Variants in ROR1 observed in about 807,000 individuals in gnomAD.
The protein encoded by ROR1 is inactive tyrosine-protein kinase transmembrane receptor ROR1.
In ROR1, 19 loss-of-function variants were observed where a neutral mutation model predicts 78.8. That is an observed-to-expected ratio of 0.24 (90% CI 0.17 to 0.35). The LOEUF (loss-of-function observed/expected upper bound fraction) is 0.35. Ranked by LOEUF, ROR1 falls within the 10% of genes least tolerant of loss-of-function variation. The pLI, the probability that ROR1 is intolerant of heterozygous loss-of-function variation, is 1.00. For synonymous variants in ROR1, 386 were observed against 433.6 expected, an observed-to-expected ratio of 0.89 and a Z score of 1.36; for missense variants, 917 against 1,177.8, an observed-to-expected ratio of 0.78 and a Z score of 3.24.
intron 4 of ROR1, among the ~76,000 whole-genome samples, chr1:64,068,712 G>A: frequency 6.6e-6 from 1 of 152,080 alleles, no homozygotes; most frequent in East Asian, 1.9e-4. Flanking sequence ...TGACCTAATG[G>A]CTAGAGTACC....
At chr1:63,902,912 G>C (rs1645497516) in intron 1 of ROR1, among the ~76,000 whole-genome samples, 1 of 152,126 alleles carries the variant, frequency 6.6e-6, no homozygotes, top group Non-Finnish European at 1.5e-5. Context: ...TAAGTTTGCT[G>C]ATCCTCCTTC....
At chr1:63,887,226 G>GC (rs386367172) in intron 1 of ROR1, among the ~76,000 whole-genome samples, 2 of 3,842 alleles carry the variant, frequency 5.2e-4, no homozygotes, top group East Asian at 0.33. Flanking sequence ...GTTTTGGGAT[G>GC]GGGGGGTTTG....
intron 1 of ROR1, among the ~76,000 whole-genome samples, chr1:63,915,935 A>G (rs1193205792): frequency 6.6e-6 from 1 of 152,126 alleles, no homozygotes; most frequent in African/African-American, 2.4e-5. Flanking sequence ...ATCTACAAGT[A>G]TACATGTAAA....
chr1:64,064,212 A>G (rs1327340598), intron 4 of ROR1, among the ~76,000 whole-genome samples: 1 of 152,202 alleles, frequency 6.6e-6, no homozygotes, highest in Non-Finnish European at 1.5e-5. Context: ...CTTAGGTTGG[A>G]GGGAAAAATA....
rs1646456610 is a variant in ROR1 at position 64,009,293 on chromosome 1, T to C, written c.92-12T>C. The C allele has an allele frequency of 1.2e-6, 2 of 1,603,352 alleles. No individual in the cohort carries two copies. Among genetic ancestry groups the C allele is most frequent in the Non-Finnish European group, 1.7e-6 (2 of 1,170,214 alleles). ...CCCTTGTCTTTCTCCCTTCCCTTCT[T>C]TTTCTTTTCAGAAACAGAGCTGTCA... is the stretch of plus-strand genomic sequence containing the variant. On this transcript the variant is annotated splice_polypyrimidine_tract_variant and intron_variant, in intron 1 of 8. Coordinates refer to ENST00000371079, the MANE Select transcript of ROR1 (RefSeq NM_005012.4).
intron 4 of ROR1, among the ~76,000 whole-genome samples, chr1:64,114,565 AT>A (rs1372464295): frequency 2.6e-5 from 4 of 151,178 alleles, no homozygotes; most frequent in Admixed American, 6.6e-5. Context: ...ATGCTTAAGC[AT>A]TTTTTTTTCT....
chr1:63,910,339 G>T (rs1482017746), intron 1 of ROR1, among the ~76,000 whole-genome samples: 1 of 152,134 alleles, frequency 6.6e-6, no homozygotes, highest in Non-Finnish European at 1.5e-5. Flanking sequence ...TTGTACAATG[G>T]ACATTGTTCA....
chr1:64,002,939 C>G (rs1246007055), intron 1 of ROR1, among the ~76,000 whole-genome samples: 1 of 152,116 alleles, frequency 6.6e-6, no homozygotes, highest in African/African-American at 2.4e-5. Flanking sequence ...TCAGCTCCTT[C>G]CCCCATCCCC....
At chr1:64,005,368 TTAA>T (rs1481668693) in intron 1 of ROR1, among the ~76,000 whole-genome samples, 4 of 152,226 alleles carry the variant, frequency 2.6e-5, no homozygotes, top group African/African-American at 9.6e-5. Context: ...GATCACAAAA[TTAA>T]TAAGTGTCAG....
At chr1:64,017,885 A>G (rs773048908) in intron 2 of ROR1, among the ~76,000 whole-genome samples, 3 of 152,158 alleles carry the variant, frequency 2.0e-5, no homozygotes, top group Non-Finnish European at 4.4e-5. Flanking sequence ...TGAGTCTCAG[A>G]TTCCTTACTC....
intron 1 of ROR1, among the ~76,000 whole-genome samples, chr1:63,921,682 C>T (rs909211031): frequency 1.4e-3 from 2 of 1,412 alleles, no homozygotes; most frequent in East Asian, 0.021. Flanking sequence ...TGGGGTGGGG[C>T]GGGTGGGGTG....
chr1:63,983,852 A>G (rs1311838860), intron 1 of ROR1, among the ~76,000 whole-genome samples: 7 of 152,186 alleles, frequency 4.6e-5, no homozygotes, highest in African/African-American at 1.7e-4. Context: ...TCAGAGCCAC[A>G]GTTTCCTTAT....
In ROR1 at chr1:63,941,607, G is replaced by C. The variant is rs141984957; in HGVS notation, c.92-67698G>C. 1.4e-4 allele frequency among the ~76,000 whole-genome samples: 21 copies of C among 152,260 alleles called. 1 individual carries two copies. The East Asian group carries it at 3.9e-3, about 28-fold the overall frequency. ...TTCAAGTGGGGATAACATAATATCA[G>C]TTCTTTTTGCATTATAGGGTTGTGT... On this transcript the variant is annotated intron_variant, in intron 1 of 8. Coordinates refer to ENST00000371079, the MANE Select transcript of ROR1 (RefSeq NM_005012.4).
At chr1:63,822,467 GTGTT>G (rs72261297) in intron 1 of ROR1, among the ~76,000 whole-genome samples, 25,638 of 152,018 alleles carry the variant, frequency 0.17, 2,232 homozygotes, top group Middle Eastern at 0.28. Context: ...AACATGTGAT[GTGTT>G]TGTTGTAGAA....
At chr1:63,805,474 A>G (rs1192511072) in intron 1 of ROR1, among the ~76,000 whole-genome samples, 1 of 152,188 alleles carries the variant, frequency 6.6e-6, no homozygotes, top group Non-Finnish European at 1.5e-5. Context: ...AATGCACTAT[A>G]AAAAAGTATA....
intron 1 of ROR1, among the ~76,000 whole-genome samples, chr1:63,904,167 C>T (rs368842503): frequency 1.3e-5 from 2 of 151,996 alleles, no homozygotes; most frequent in Non-Finnish European, 2.9e-5. Context: ...GACAAGATTG[C>T]GATGATACAG....
rs973091734 is a variant in ROR1, at chr1:64,179,236, C to G, written c.*381C>G. On this transcript the variant is annotated 3_prime_UTR_variant, in exon 9 of 9. Transcript: ENST00000371079. The stretch of plus-strand genomic sequence containing the variant: ...AGCCTTCAGTCACCATGACTGGTCT[C>G]TCCCCCAGATGTATATATACCATAG... The G allele has an allele frequency of 2.1e-5, 4 of 191,792 alleles. No homozygotes were observed. The highest frequency in any genetic ancestry group is 3.2e-5 in the Non-Finnish European group (3 of 93,604). The allele number at this position is 191,792 out of a possible 1,614,324, so 11.9% of individuals were successfully genotyped here. A position where few individuals can be genotyped will look rare whatever the true frequency, so the allele number is the denominator to read the frequency against.
At chr1:64,144,095 T>C (rs1029652806) in intron 7 of ROR1, among the ~76,000 whole-genome samples, 3 of 152,060 alleles carry the variant, frequency 2.0e-5, no homozygotes, top group Non-Finnish European at 4.4e-5. Context: ...TGTGTTGAAA[T>C]TGGAGACAAG....
At chr1:64,140,951 T>A (rs1167114438) in intron 6 of ROR1, among the ~76,000 whole-genome samples, 1 of 152,156 alleles carries the variant, frequency 6.6e-6, no homozygotes, top group Non-Finnish European at 1.5e-5. Flanking sequence ...CAGACACCAT[T>A]GTATGATCCA....
Sources: allele counts gnomAD v4.1 joint callset (sites outside exome capture counted in the v4.1 genomes callset), GRCh38; gene constraint gnomAD v4.1.1; transcripts MANE v1.5; gene names NCBI Gene and HGNC (gene_info 2026-07-23, HGNC 2026-07-21).